CDH18: variants seen among roughly 807,000 people sequenced by gnomAD.
The protein encoded by CDH18 is cadherin 18.
CDH18 carries 31 observed loss-of-function variants against 67.9 expected under a neutral mutation model. The ratio of observed to expected loss-of-function variants is 0.46; its 90% CI spans 0.34 to 0.62. The LOEUF is 0.62. CDH18 is among the 20% of genes least tolerant of loss of function. The pLI is 0.01. For synonymous variants in CDH18, 362 were observed against 347.2 expected, an observed-to-expected ratio of 1.04 and a Z score of -0.48; for missense variants, 890 against 975.5, an observed-to-expected ratio of 0.91 and a Z score of 1.17.
At chr5:19,583,483 T>C (rs868149173) in intron 7 of CDH18, among the ~76,000 whole-genome samples, 2 of 152,150 alleles carry the variant, frequency 1.3e-5, no homozygotes. Context: ...ATACATTGTG[T>C]TGTAATATAC....
At chr5:19,672,534 A>G (rs1055729416) in intron 5 of CDH18, among the ~76,000 whole-genome samples, 8 of 152,086 alleles carry the variant, frequency 5.3e-5, no homozygotes, top group African/African-American at 1.9e-4. Context: ...ACAACTTTTT[A>G]TCTATGTAAT....
intron 5 of CDH18, among the ~76,000 whole-genome samples, chr5:19,613,565 G>T (rs191645713): frequency 2.5e-4 from 38 of 152,154 alleles, no homozygotes; most frequent in Non-Finnish European, 2.9e-5. Context: ...TGCAAAGAGG[G>T]ACGTTTAACA....
intron 3 of CDH18, among the ~76,000 whole-genome samples, chr5:19,798,229 T>C (rs936008465): frequency 1.3e-5 from 2 of 152,168 alleles, no homozygotes; most frequent in East Asian, 3.9e-4. Context: ...TGAATAAGGT[T>C]GTTGGATTTT....
At chr5:19,859,952 G>A (rs1561457946) in intron 2 of CDH18, among the ~76,000 whole-genome samples, 1 of 147,656 alleles carries the variant, frequency 6.8e-6, no homozygotes, top group East Asian at 2.0e-4. Context: ...ACCTCCTAAG[G>A]TTTCTTTCTG....
intron 1 of CDH18, among the ~76,000 whole-genome samples, chr5:20,320,470 C>A (rs976658521): frequency 4.6e-5 from 7 of 152,170 alleles, no homozygotes; most frequent in Non-Finnish European, 8.8e-5. Flanking sequence ...TTCCCTAACT[C>A]AACCTAATTT....
intron 1 of CDH18, among the ~76,000 whole-genome samples, chr5:20,445,507 T>C (rs1357193627): frequency 6.6e-6 from 1 of 152,216 alleles, no homozygotes; most frequent in East Asian, 1.9e-4. Context: ...AGGTCAAGAC[T>C]ATTGTGATAA....
chr5:19,674,512 T>C (rs1054596998), intron 5 of CDH18, among the ~76,000 whole-genome samples: 2 of 152,094 alleles, frequency 1.3e-5, no homozygotes, highest in African/African-American at 2.4e-5. Flanking sequence ...GTCTTAATAT[T>C]AACTATATGC....
intron 2 of CDH18, among the ~76,000 whole-genome samples, chr5:20,191,369 A>T (rs2126718362): frequency 6.6e-6 from 1 of 152,118 alleles, no homozygotes; most frequent in Non-Finnish European, 1.5e-5. Flanking sequence ...CGATAAAATG[A>T]ATTTTTATTT....
chr5:19,554,296 T>TTAA (rs1332301025), intron 8 of CDH18, among the ~76,000 whole-genome samples: 11 of 152,184 alleles, frequency 7.2e-5, no homozygotes, highest in Non-Finnish European at 1.6e-4. Context: ...AGAAATTGCA[T>TTAA]TAATCTTGAG....
chr5:20,077,227 C>CT lies in CDH18; in HGVS notation c.-517-85214dup, dbSNP rs142466308. Among the ~76,000 whole-genome samples the CT allele has an allele frequency of 0.022, 3,378 of 152,292 alleles. 229 individuals are homozygous for CT. The East Asian group carries it at 0.28, about 13-fold the overall frequency. On this transcript the variant is annotated intron_variant, in intron 2 of 14. Coordinates refer to the CDH18 transcript ENST00000507958. The stretch of plus-strand genomic sequence containing the variant: ...TCTGTAAAACAGAGGTAAAAGACTC[C>CT]TTTACAAAGCAATTCTTGAGTTTAA...
chr5:20,075,588 ATTT>A (rs1397871297), intron 2 of CDH18, among the ~76,000 whole-genome samples: 1 of 152,200 alleles, frequency 6.6e-6, no homozygotes. Context: ...GGACCTAAGC[ATTT>A]TACGTCAAAA....
intron 2 of CDH18, among the ~76,000 whole-genome samples, chr5:20,043,657 C>A (rs920533084): frequency 1.3e-5 from 2 of 152,124 alleles, no homozygotes; most frequent in African/African-American, 4.8e-5. Flanking sequence ...GTTGCCAGGC[C>A]AGTTTTCAAA....
intron 3 of CDH18, 117 bp downstream of exon 3, chr5:19,838,642 A>G (rs16888200): frequency 0.024 from 15,893 of 655,402 alleles, 916 homozygotes; most frequent in African/African-American, 0.17. Flanking sequence ...AGCGTAATTC[A>G]CTCTACAACA....
chr5:20,545,528 C>A (rs1703033), intron 1 of CDH18, among the ~76,000 whole-genome samples: 67,068 of 152,122 alleles, frequency 0.44, 15,226 homozygotes, highest in East Asian at 0.57. Flanking sequence ...ACAAGCCCAA[C>A]AGCAAATGGA....
At chr5:19,888,918 C>T (rs1216690776) in intron 2 of CDH18, among the ~76,000 whole-genome samples, 1 of 152,084 alleles carries the variant, frequency 6.6e-6, no homozygotes, top group Admixed American at 6.6e-5. Flanking sequence ...TGTTTTATAG[C>T]TTCCCTTGGT....
At chr5:20,566,807 G>A (rs917514210) in intron 1 of CDH18, among the ~76,000 whole-genome samples, 7 of 151,950 alleles carry the variant, frequency 4.6e-5, no homozygotes, top group African/African-American at 1.2e-4. Context: ...TCACCATTAC[G>A]AACAAAGAGT....
intron 1 of CDH18, among the ~76,000 whole-genome samples, chr5:20,297,808 T>C (rs1394060346): frequency 6.6e-6 from 1 of 152,190 alleles, no homozygotes; most frequent in African/African-American, 2.4e-5. Flanking sequence ...CTTGCTGAGG[T>C]TGTACTTCAT....
intron 12 of CDH18, among the ~76,000 whole-genome samples, chr5:19,475,389 A>T (rs1488175759): frequency 6.6e-6 from 1 of 152,060 alleles, no homozygotes; most frequent in Non-Finnish European, 1.5e-5. Flanking sequence ...AACTTATCTA[A>T]CACAAAACGT....
chr5:20,360,204 A>C (rs1014771099), intron 1 of CDH18, among the ~76,000 whole-genome samples: 3 of 151,146 alleles, frequency 2.0e-5, no homozygotes. Context: ...CTAATAACAC[A>C]GGCATGAAAT....
Sources: gnomAD v4.1 joint callset for allele counts (sites outside exome capture counted in the v4.1 genomes callset) on GRCh38, gnomAD v4.1.1 for gene constraint, MANE v1.5 for transcripts, NCBI Gene and HGNC (gene_info 2026-07-23, HGNC 2026-07-21) for gene names.